Variants in SF3B3 observed in about 807,000 individuals in gnomAD.
SF3B3 encodes SAP 130.
Under a neutral mutation model 139.2 loss-of-function variants are expected in SF3B3, and 33 were observed. The ratio of observed to expected loss-of-function variants is 0.24; its 90% CI spans 0.18 to 0.32. SF3B3 has a LOEUF of 0.32. Among genes scored for constraint, SF3B3 ranks in the 10% least tolerant of loss-of-function variants. The probability of loss-of-function intolerance (pLI) is 1.00; values close to 1 mark genes in which losing one functional copy is unlikely to be tolerated. For missense variants in SF3B3, 818 were observed against 1,509.4 expected (o/e 0.54, Z 7.59); for synonymous variants, 596 against 563.6 (o/e 1.06, Z -0.81).
intron 10 of SF3B3, among the ~76,000 whole-genome samples, chr16:70,546,532 A>C (rs908286432): frequency 1.3e-5 from 2 of 152,050 alleles, no homozygotes; most frequent in Non-Finnish European, 2.9e-5. Flanking sequence ...GGTGTCTGTA[A>C]TCCCAGCTAC....
rs2050533140 is a variant in SF3B3, at chr16:70,571,925, C to G, written c.*112C>G. 9.2e-6 allele frequency: 12 copies of G among 1,297,770 alleles called. No individual in the cohort carries two copies. The highest frequency in any genetic ancestry group is 1.2e-5 in the Non-Finnish European group (11 of 930,760). The allele number at this position is 1,297,770 out of a possible 1,614,324, so 80.4% of individuals were successfully genotyped here. On this transcript the variant is annotated 3_prime_UTR_variant, in exon 26 of 26. Coordinates refer to ENST00000302516, the MANE Select transcript of SF3B3 (RefSeq NM_012426.5). Reference sequence around the variant, plus strand: ...CAGGAGGGTGACTGGATAATTAAGACTGCATTATGAAAGTCAACAGCTCTT... The same window carrying G: ...CAGGAGGGTGACTGGATAATTAAGAGTGCATTATGAAAGTCAACAGCTCTT...
chr16:70,561,901 T>C (rs1402260523), intron 17 of SF3B3, 117 bp downstream of exon 17: 1 of 823,884 alleles, frequency 1.2e-6, no homozygotes, highest in Non-Finnish European at 1.9e-6. Flanking sequence ...GACTTCACCA[T>C]GAAGCTTGTG....
Position 70,543,848 on chromosome 16 carries a change from GTT to G in SF3B3, c.1234-580_1234-579del, listed in dbSNP as rs570312981. 1.3e-4 allele frequency among the ~76,000 whole-genome samples: 16 copies of G among 122,054 alleles called. No individual in the cohort carries two copies. The East Asian group carries it at 2.7e-3, about 21-fold the overall frequency. The allele number at this position is 122,054 out of a possible 152,430, so 80.1% of individuals were successfully genotyped here. ...GAATAATGTTTTACTGTTTTTTTGTGTTTTTTTTTTTAATTTTTTTTTGAGAC... is the reference window on the plus strand; with the variant it reads ...GAATAATGTTTTACTGTTTTTTTGTGTTTTTTTTTAATTTTTTTTTGAGAC... On this transcript the variant is annotated intron_variant, in intron 9 of 25. Coordinates refer to ENST00000302516, the MANE Select transcript of SF3B3 (RefSeq NM_012426.5).
intron 10 of SF3B3, among the ~76,000 whole-genome samples, chr16:70,545,012 T>C (rs1002561919): frequency 6.6e-6 from 1 of 152,242 alleles, no homozygotes; most frequent in Non-Finnish European, 1.5e-5. Flanking sequence ...TTTTGTATCT[T>C]ATTAAATTTA....
At position 70,532,462 on chromosome 16, in the gene SF3B3, G is replaced by T. The variant is rs756543248; in HGVS notation, c.571-17G>T. The T allele has an allele frequency of 6.2e-7, 1 of 1,611,708 alleles. No homozygotes were observed. The highest frequency in any genetic ancestry group is 1.1e-5 in the South Asian group (1 of 90,886). On this transcript the variant is annotated splice_polypyrimidine_tract_variant and intron_variant, in intron 4 of 25. Transcript: ENST00000302516. The stretch of plus-strand genomic sequence containing the variant: ...TTTTATGCTGATGATTAGTTTTTAT[G>T]CCACTATTCTCTGTAGGAAGCAGAC...
intron 4 of SF3B3, 94 bp from the exon 5 acceptor site, chr16:70,532,385 T>TG: frequency 1.1e-6 from 1 of 888,244 alleles, no homozygotes; most frequent in East Asian, 3.2e-5. Flanking sequence ...TTTGTGGACT[T>TG]CTGTTTCCTC....
chr16:70,527,135 G>A (rs1418929335), intron 2 of SF3B3: 4 of 171,982 alleles, frequency 2.3e-5, no homozygotes, highest in Non-Finnish European at 4.9e-5. Context: ...TTGGTTTGGT[G>A]CTTGAAGAGA....
intron 11 of SF3B3, among the ~76,000 whole-genome samples, chr16:70,553,372 T>G (rs575839557): frequency 2.0e-5 from 3 of 152,320 alleles, no homozygotes; most frequent in African/African-American, 7.2e-5. Flanking sequence ...ACCAGCCCTG[T>G]GGCATTGAGC....
At chr16:70,570,201 G>C (rs1368713384) in intron 24 of SF3B3, 52 bp downstream of exon 24, 1 of 1,583,954 alleles carries the variant, frequency 6.3e-7, no homozygotes, top group East Asian at 2.2e-5. Flanking sequence ...GTTTCTTGGT[G>C]CTGGATCTAC....
At chr16:70,564,419 C>G (rs571338010) in intron 18 of SF3B3, among the ~76,000 whole-genome samples, 1 of 152,318 alleles carries the variant, frequency 6.6e-6, no homozygotes, top group Admixed American at 6.5e-5. Context: ...TTTTAAAGAT[C>G]TAGGCTTTTT....
chr16:70,551,255 A>G (rs2050322094), intron 11 of SF3B3, among the ~76,000 whole-genome samples: 1 of 152,150 alleles, frequency 6.6e-6, no homozygotes, highest in African/African-American at 2.4e-5. Flanking sequence ...ACTGTGACCT[A>G]AAGATACAGT....
At position 70,529,039 on chromosome 16, in the gene SF3B3, A is replaced by T. The variant is rs754617592; in HGVS notation, c.237A>T (p.Val79=). ...RLTGGTKDYI[V]VGSDSGRIVI... ...CAGGTGGCACCAAAGACTACATTGT[A>T]GTTGGCAGTGACTCTGGTCGAATTG... Residue 79 remains valine (V), a synonymous_variant, in exon 3 of 26, where the codon GTA becomes GTT. Coordinates refer to ENST00000302516, the MANE Select transcript of SF3B3 (RefSeq NM_012426.5). 1 of 1,614,230 alleles carries T rather than the reference A, an allele frequency of 6.2e-7. No homozygotes were observed.
chr16:70,526,827 T>C, intron 2 of SF3B3, 101 bp downstream of exon 2: 1 of 826,694 alleles, frequency 1.2e-6, no homozygotes, highest in Middle Eastern at 2.5e-4. Flanking sequence ...GACAAAACAG[T>C]TGTTGGTAAA....
In SF3B3 at chr16:70,527,901, G is replaced by C. The variant is rs557554713; in HGVS notation, c.71-972G>C. On this transcript the variant is annotated intron_variant, in intron 2 of 25. Transcript: ENST00000302516. ...AGCGATTCTCCTGCCTCAGCCTCCTGAGTAGCTGGGATTACATGCGTGCAC... is the reference window on the plus strand; with the variant it reads ...AGCGATTCTCCTGCCTCAGCCTCCTCAGTAGCTGGGATTACATGCGTGCAC... Among the ~76,000 whole-genome samples the C allele has an allele frequency of 2.4e-3, 362 of 152,010 alleles. 2 individuals carry two copies. The highest frequency in any genetic ancestry group is 8.4e-3 in the African/African-American group (350 of 41,458).
chr16:70,526,362 C>T (rs2050063795), intron 1 of SF3B3, among the ~76,000 whole-genome samples: 1 of 152,078 alleles, frequency 6.6e-6, no homozygotes, highest in African/African-American at 2.4e-5. Context: ...CGCACAGCAC[C>T]ATGCCCAGCT....
chr16:70,544,610 T>C (rs989362491), intron 10 of SF3B3, 77 bp downstream of exon 10: 4 of 835,492 alleles, frequency 4.8e-6, no homozygotes, highest in Non-Finnish European at 6.2e-6. Flanking sequence ...TTTACTCTGA[T>C]GTTGTCAAAG....
At position 70,571,027 on chromosome 16, in the gene SF3B3, G is replaced by A. The variant is rs1433814950; in HGVS notation, c.3409-68G>A. 7 of 1,013,814 alleles carry A rather than the reference G, an allele frequency of 6.9e-6. No homozygotes were observed. In the South Asian group the frequency reaches 7.6e-5, roughly 11 times the overall value. The allele number at this position is 1,013,814 out of a possible 1,614,324, so 62.8% of individuals were successfully genotyped here. Reference sequence around the variant, plus strand: ...AAAATGAATGGCTTGTCTGTTCGTTGTGCTTGTGGAAACTCTAGACTAGTT... The same window carrying A: ...AAAATGAATGGCTTGTCTGTTCGTTATGCTTGTGGAAACTCTAGACTAGTT... On this transcript the variant is annotated intron_variant, in intron 24 of 25. Transcript: ENST00000302516.
chr16:70,562,439 CT>C (rs571561098), intron 17 of SF3B3, among the ~76,000 whole-genome samples: 150 of 152,274 alleles, frequency 9.9e-4, no homozygotes, highest in African/African-American at 3.3e-3. Flanking sequence ...CCCAAAATTT[CT>C]TTGCAACAAC....
chr16:70,571,707 A>C lies in SF3B3; in HGVS notation c.3548A>C (p.Asn1183Thr), dbSNP rs1365436228. 1.2e-6 allele frequency: 2 copies of C among 1,614,156 alleles called. No homozygotes were observed. Among genetic ancestry groups the C allele is most frequent in the Non-Finnish European group, 1.7e-6 (2 of 1,180,024 alleles). ...VIDGDLCEQF[N>T]SMEPNKQKNV... ...GATGGAGACCTCTGTGAGCAGTTCAATTCCATGGAACCCAACAAACAAAAG... is the reference window on the plus strand; with the variant it reads ...GATGGAGACCTCTGTGAGCAGTTCACTTCCATGGAACCCAACAAACAAAAG... Residue 1183 changes from asparagine to threonine, a missense_variant, in exon 26 of 26, where the codon AAT becomes ACT. By Grantham distance (65) the Asn-to-Thr change is moderately conservative. Transcript: ENST00000302516.
Sources: allele counts gnomAD v4.1 joint callset (sites outside exome capture counted in the v4.1 genomes callset), GRCh38; gene constraint gnomAD v4.1.1; transcripts MANE v1.5; gene names NCBI Gene and HGNC (gene_info 2026-07-23, HGNC 2026-07-21).